Variants in ATAD5 observed in about 807,000 individuals in gnomAD.
ATAD5 encodes ATPase family AAA domain containing 5, also known as ATPase family AAA domain-containing protein 5.
ATAD5 carries 58 observed loss-of-function variants against 176.9 expected under a neutral mutation model. The observed-to-expected ratio is 0.33, with a 90% CI of 0.27 to 0.41. ATAD5 has a LOEUF of 0.41. Ranked by LOEUF, ATAD5 falls within the 10% of genes least tolerant of loss-of-function variation. ATAD5 has a pLI of 1.00. For synonymous variants in ATAD5, 640 were observed against 712.6 expected, an observed-to-expected ratio of 0.90 and a Z score of 1.62; for missense variants, 1,789 against 2,094.1, an observed-to-expected ratio of 0.85 and a Z score of 2.84.
chr17:30,874,681 A>G (rs750456919), intron 14 of ATAD5, among the ~76,000 whole-genome samples: 7 of 149,420 alleles, frequency 4.7e-5, no homozygotes, highest in Middle Eastern at 6.8e-3. Flanking sequence ...CCCAGGCAGC[A>G]GTGCAGTGGA....
intron 2 of ATAD5, 127 bp from the exon 3 acceptor site, chr17:30,837,079 G>A: frequency 1.8e-6 from 1 of 548,784 alleles, no homozygotes; most frequent in Non-Finnish European, 3.1e-6. Flanking sequence ...TTCCATATTA[G>A]GGTCCTGAGT....
chr17:30,885,330 G>A (rs955422833), intron 18 of ATAD5, among the ~76,000 whole-genome samples: 3 of 152,166 alleles, frequency 2.0e-5, no homozygotes, highest in Non-Finnish European at 2.9e-5. Flanking sequence ...ACAAGCATGA[G>A]CCACCACAAC....
rs1205052287 is a variant in ATAD5 at position 30,834,788 on chromosome 17, C to T, written c.707C>T (p.Thr236Ile). Reference sequence around the variant, plus strand: ...TTGCTTAAAAAAGATGGTAAAGATACTAAACAGATGGAGAATACTACAAGC... The same window carrying T: ...TTGCTTAAAAAAGATGGTAAAGATATTAAACAGATGGAGAATACTACAAGC... ...LNLLKKDGKD[T>I]KQMENTTSHA... The change falls in exon 2 of 23, where the codon ACT becomes ATT. Residue 236 changes from threonine (T) to isoleucine (I), a missense_variant. Coordinates refer to ENST00000321990, the MANE Select transcript of ATAD5 (RefSeq NM_024857.5). 4 of 1,614,038 alleles carry T rather than the reference C, an allele frequency of 2.5e-6. No individual in the cohort carries two copies. The highest frequency in any genetic ancestry group is 1.7e-5 in the Admixed American group (1 of 59,998).
At chr17:30,833,632 T>C (rs577078145) in intron 1 of ATAD5, among the ~76,000 whole-genome samples, 13 of 152,326 alleles carry the variant, frequency 8.5e-5, no homozygotes, top group Middle Eastern at 3.4e-3. Flanking sequence ...TTTGATACAA[T>C]TGCAGCTTTA....
intron 10 of ATAD5, among the ~76,000 whole-genome samples, chr17:30,861,669 G>A (rs1023818704): frequency 6.6e-6 from 1 of 151,786 alleles, no homozygotes; most frequent in East Asian, 1.9e-4. Context: ...ACGCCACCAC[G>A]CCCAGCTAAA....
chr17:30,877,704 AG>A (rs1400245323), intron 16 of ATAD5, among the ~76,000 whole-genome samples, 155 bp downstream of exon 16: 7 of 152,184 alleles, frequency 4.6e-5, no homozygotes, highest in Non-Finnish European at 1.0e-4. Flanking sequence ...TGTCCACTCT[AG>A]AATAATTTTT....
chr17:30,854,879 C>T (rs552822800), intron 6 of ATAD5, among the ~76,000 whole-genome samples: 10 of 152,094 alleles, frequency 6.6e-5, no homozygotes, highest in Non-Finnish European at 1.0e-4. Context: ...GTGCCTCAGC[C>T]ACCCAAGTAG....
chr17:30,836,344 A>G lies in ATAD5; in HGVS notation c.1967+296A>G, dbSNP rs1185241606. ...CAGGCACCCGCCACCACGCCCAGCT[A>G]ATTTTTGTATTTTTAGTAGACATGG... On this transcript the variant is annotated intron_variant, in intron 2 of 22. Transcript: ENST00000321990. Among the ~76,000 whole-genome samples, 7 of 151,568 alleles carry G rather than the reference A, an allele frequency of 4.6e-5. No individual in the cohort carries two copies. In the East Asian group the frequency reaches 1.4e-3, roughly 30 times the overall value.
In ATAD5 at chr17:30,832,094, C is replaced by A. The variant is rs907577760; in HGVS notation, c.-254C>A. Reference sequence around the variant, plus strand: ...GCCTGAAGCGCCGCTTTCGAGGGCACCCTGCATACACTGGCCGCGCCTCAG... The same window carrying A: ...GCCTGAAGCGCCGCTTTCGAGGGCAACCTGCATACACTGGCCGCGCCTCAG... On this transcript the variant is annotated 5_prime_UTR_variant, in exon 1 of 23. Transcript: ENST00000321990. 2.8e-5 allele frequency: 11 copies of A among 387,938 alleles called. No individual in the cohort carries two copies. Among genetic ancestry groups the A allele is most frequent in the African/African-American group, 2.1e-4 (10 of 48,132 alleles). The allele number at this position is 387,938 out of a possible 1,614,324, so 24.0% of individuals were successfully genotyped here.
At chr17:30,876,758 C>T (rs948172509) in intron 15 of ATAD5, among the ~76,000 whole-genome samples, 1 of 129,662 alleles carries the variant, frequency 7.7e-6, no homozygotes, top group Non-Finnish European at 1.5e-5. Flanking sequence ...TATTGCCAGG[C>T]CAAGCTGGAG....
intron 14 of ATAD5, among the ~76,000 whole-genome samples, chr17:30,872,953 C>G (rs186645217): frequency 1.7e-4 from 26 of 152,286 alleles, no homozygotes; most frequent in African/African-American, 5.8e-4. Flanking sequence ...CTGGGCAATC[C>G]TAGTGTTCAC....
chr17:30,857,156 A>G (rs1907335849), intron 8 of ATAD5, 44 bp downstream of exon 8: 8 of 1,553,548 alleles, frequency 5.1e-6, no homozygotes, highest in Non-Finnish European at 6.9e-6. Context: ...TTTCCCTTAC[A>G]TCTTGCAGAG....
At chr17:30,875,978 A>G (rs1908641117) in intron 14 of ATAD5, among the ~76,000 whole-genome samples, 2 of 151,472 alleles carry the variant, frequency 1.3e-5, no homozygotes, top group South Asian at 2.1e-4. Context: ...TCTACTAAAT[A>G]TACAAAAAAT....
chr17:30,832,494 C>CCCTGT, intron 1 of ATAD5, 81 bp downstream of exon 1: 1 of 1,355,772 alleles, frequency 7.4e-7, no homozygotes, highest in East Asian at 2.8e-5. Context: ...GGAAGGTGAT[C>CCCTGT]CTGACTTTGT....
chr17:30,892,591 T>G lies in ATAD5; in HGVS notation c.4259-16T>G. The G allele has an allele frequency of 6.5e-7, 1 of 1,527,568 alleles. No individual in the cohort carries two copies. 94.6% of individuals were successfully genotyped at this position (1,527,568 alleles called of 1,614,324 possible). A position where few individuals can be genotyped will look rare whatever the true frequency, so the allele number is the denominator to read the frequency against. ...TTAATACATATATAGAGCTAAGATT[T>G]TCTTTTATTTTGTAGGTGGAAATAG... is the stretch of plus-strand genomic sequence containing the variant. On this transcript the variant is annotated splice_polypyrimidine_tract_variant and intron_variant, in intron 19 of 22. Transcript: ENST00000321990.
chr17:30,894,417 A>G (rs1160523083), intron 21 of ATAD5, 147 bp from the exon 22 acceptor site: 1 of 814,088 alleles, frequency 1.2e-6, no homozygotes. Flanking sequence ...TTTTTTCAGT[A>G]TGGGAGTGAT....
chr17:30,837,019 T>A (rs1905789382), intron 2 of ATAD5, among the ~76,000 whole-genome samples, 187 bp from the exon 3 acceptor site: 1 of 152,028 alleles, frequency 6.6e-6, no homozygotes, highest in Non-Finnish European at 1.5e-5. Flanking sequence ...GGAAACAAGT[T>A]CTCACTGTGT....
At chr17:30,848,995 T>A (rs1906704531) in intron 6 of ATAD5, among the ~76,000 whole-genome samples, 1 of 152,070 alleles carries the variant, frequency 6.6e-6, no homozygotes, top group Non-Finnish European at 1.5e-5. Flanking sequence ...ATCAGCCTCC[T>A]GAGTAGCTGG....
chr17:30,843,381 G>A (rs139249267), intron 4 of ATAD5, among the ~76,000 whole-genome samples: 78 of 151,948 alleles, frequency 5.1e-4, no homozygotes, highest in African/African-American at 1.7e-3. Flanking sequence ...GGCCAGGTGC[G>A]GTGGCTCACT....
Sources: gnomAD v4.1 joint callset for allele counts (sites outside exome capture counted in the v4.1 genomes callset) on GRCh38, gnomAD v4.1.1 for gene constraint, MANE v1.5 for transcripts, NCBI Gene and HGNC (gene_info 2026-07-23, HGNC 2026-07-21) for gene names.